PTPRK: variants seen among roughly 807,000 people sequenced by gnomAD.
The protein encoded by PTPRK is protein tyrosine phosphatase receptor type K.
A neutral mutation model predicts 178.0 loss-of-function variants in PTPRK; 75 were observed. That is an observed-to-expected ratio of 0.42 (90% CI 0.35 to 0.51). PTPRK has a LOEUF of 0.51. PTPRK is among the 20% of genes least tolerant of loss of function. PTPRK has a pLI of 0.02. For synonymous variants in PTPRK, 637 were observed against 620.6 expected, an observed-to-expected ratio of 1.03 and a Z score of -0.39; for missense variants, 1,441 against 1,797.8, an observed-to-expected ratio of 0.80 and a Z score of 3.59.
At chr6:128,063,044 A>T (rs1421016488) in intron 13 of PTPRK, among the ~76,000 whole-genome samples, 1 of 152,056 alleles carries the variant, frequency 6.6e-6, no homozygotes, top group African/African-American at 2.4e-5. Flanking sequence ...AATTTTTGGA[A>T]TGAGGGTTTA....
chr6:128,518,397 AT>A (rs1858413165), intron 1 of PTPRK, among the ~76,000 whole-genome samples: 1 of 152,232 alleles, frequency 6.6e-6, no homozygotes, highest in African/African-American at 2.4e-5. Context: ...TTATTTGTTA[AT>A]TAAAGGGTAA....
intron 13 of PTPRK, among the ~76,000 whole-genome samples, chr6:128,050,436 G>A (rs1294665529): frequency 6.6e-6 from 1 of 152,078 alleles, no homozygotes; most frequent in Non-Finnish European, 1.5e-5. Flanking sequence ...TTGATTTCTA[G>A]TACAATTGAG....
intron 4 of PTPRK, among the ~76,000 whole-genome samples, chr6:128,241,846 A>T (rs1814520780): frequency 6.7e-6 from 1 of 149,540 alleles, no homozygotes; most frequent in Non-Finnish European, 1.5e-5. Flanking sequence ...CAGTGGTGCA[A>T]TCTCAGCTCA....
chr6:128,014,570 G>A (rs528469673), intron 13 of PTPRK, among the ~76,000 whole-genome samples: 9 of 151,744 alleles, frequency 5.9e-5, no homozygotes, highest in African/African-American at 1.2e-4. Flanking sequence ...AGTAGTAGAC[G>A]CTGCTGCTCT....
chr6:128,018,704 T>G (rs535600210), intron 13 of PTPRK, among the ~76,000 whole-genome samples: 1 of 152,200 alleles, frequency 6.6e-6, no homozygotes, highest in East Asian at 1.9e-4. Flanking sequence ...AAAGCCTCAG[T>G]AAGTATTAGG....
Position 127,985,762 on chromosome 6 carries a change from T to C in PTPRK, c.3210A>G (p.Leu1070=). 1.2e-6 allele frequency: 2 copies of C among 1,613,950 alleles called. No individual in the cohort carries two copies. The highest frequency in any genetic ancestry group is 1.7e-6 in the Non-Finnish European group (2 of 1,179,924). Residue 1070 remains leucine, a synonymous_variant, in exon 22 of 30, where the codon TTA becomes TTG. Transcript: ENST00000368226. ...TGGGGCCAGCACTGGGAGGGTTTGA[T>C]AACTTGACTCGCCGGATAAAGGAAA... ...GLLSFIRRVK[L]SNPPSAGPIV...
At chr6:128,477,495 G>T (rs1477005438) in intron 1 of PTPRK, among the ~76,000 whole-genome samples, 1 of 151,902 alleles carries the variant, frequency 6.6e-6, no homozygotes, top group East Asian at 1.9e-4. Flanking sequence ...ATTATAGCTA[G>T]GCAAGAGATC....
chr6:128,281,696 G>T (rs1821700716), intron 3 of PTPRK, among the ~76,000 whole-genome samples: 1 of 152,004 alleles, frequency 6.6e-6, no homozygotes, highest in South Asian at 2.1e-4. Context: ...CCTGTGCCTA[G>T]GAATTAAAAC....
intron 1 of PTPRK, among the ~76,000 whole-genome samples, chr6:128,464,677 A>AC (rs1367306428): frequency 7.7e-6 from 1 of 130,250 alleles, no homozygotes; most frequent in African/African-American, 2.9e-5. Context: ...ATATATATAC[A>AC]ACAGATGGTC....
At chr6:128,120,318 TTTC>T (rs1425041643) in intron 7 of PTPRK, among the ~76,000 whole-genome samples, 1 of 151,982 alleles carries the variant, frequency 6.6e-6, no homozygotes, top group Non-Finnish European at 1.5e-5. Context: ...GTAGGACAGC[TTTC>T]TTCTTTTAAC....
intron 5 of PTPRK, among the ~76,000 whole-genome samples, chr6:128,236,898 G>C (rs998602518): frequency 6.6e-6 from 1 of 151,904 alleles, no homozygotes; most frequent in East Asian, 1.9e-4. Flanking sequence ...GAACTACCAT[G>C]ATATGCATTA....
At chr6:128,482,585 T>G (rs1261674603) in intron 1 of PTPRK, among the ~76,000 whole-genome samples, 4 of 152,138 alleles carry the variant, frequency 2.6e-5, no homozygotes, top group African/African-American at 7.2e-5. Flanking sequence ...ACATCTTAGA[T>G]AGTGAGAAGT....
At chr6:128,175,952 A>C (rs1476914325) in intron 7 of PTPRK, among the ~76,000 whole-genome samples, 2 of 151,616 alleles carry the variant, frequency 1.3e-5, no homozygotes, top group Non-Finnish European at 2.9e-5. Context: ...TCTGCCCCCC[A>C]CCCCAAATAA....
intron 7 of PTPRK, among the ~76,000 whole-genome samples, chr6:128,170,928 T>A (rs1800151918): frequency 6.6e-6 from 1 of 151,894 alleles, no homozygotes. Context: ...TGTTAACACT[T>A]AGATTGTGCA....
intron 16 of PTPRK, among the ~76,000 whole-genome samples, chr6:127,997,593 G>A (rs1777305159): frequency 6.6e-6 from 1 of 152,048 alleles, no homozygotes; most frequent in Non-Finnish European, 1.5e-5. Flanking sequence ...TAAAACGGGT[G>A]TAAATTTCAT....
chr6:128,225,943 C>A (rs1811220631), intron 5 of PTPRK, among the ~76,000 whole-genome samples: 1 of 151,992 alleles, frequency 6.6e-6, no homozygotes, highest in African/African-American at 2.4e-5. Flanking sequence ...CTGGAGATAG[C>A]AAATACTAGA....
At chr6:127,989,072 T>C (rs1484813626) in intron 21 of PTPRK, among the ~76,000 whole-genome samples, 5 of 152,280 alleles carry the variant, frequency 3.3e-5, no homozygotes, top group Admixed American at 6.5e-5. Context: ...CTGGGGTCAC[T>C]GGTCAGCAGT....
chr6:128,040,452 G>A (rs2114833565), intron 13 of PTPRK, among the ~76,000 whole-genome samples: 1 of 152,004 alleles, frequency 6.6e-6, no homozygotes, highest in South Asian at 2.1e-4. Context: ...GAAAGCAGGA[G>A]GTATACAAGA....
At chr6:128,460,578 A>C (rs191840876) in intron 1 of PTPRK, among the ~76,000 whole-genome samples, 1 of 152,246 alleles carries the variant, frequency 6.6e-6, no homozygotes, top group African/African-American at 2.4e-5. Flanking sequence ...TTTCCTTCCA[A>C]AAGAAGTAAT....
Sources: allele counts gnomAD v4.1 joint callset (sites outside exome capture counted in the v4.1 genomes callset), GRCh38; gene constraint gnomAD v4.1.1; transcripts MANE v1.5; gene names NCBI Gene and HGNC (gene_info 2026-07-23, HGNC 2026-07-21).